Variants in LRP1B observed in about 807,000 individuals in gnomAD.
LRP1B encodes the protein low-density lipoprotein receptor-related protein 1B.
LRP1B carries 217 observed loss-of-function variants against 556.6 expected under a neutral mutation model. The ratio of observed to expected loss-of-function variants is 0.39; its 90% CI spans 0.35 to 0.44. LRP1B has a LOEUF of 0.44. Among genes scored for constraint, LRP1B ranks in the 20% least tolerant of loss-of-function variants. The pLI, the probability that LRP1B is intolerant of heterozygous loss-of-function variation, is 1.00. For synonymous variants in LRP1B, 2,047 were observed against 1,865.8 expected (o/e 1.10, Z -2.50); for missense variants, 5,053 against 5,620.8 (o/e 0.90, Z 3.23).
intron 71 of LRP1B, among the ~76,000 whole-genome samples, chr2:140,366,767 AAGG>A (rs1208846094): frequency 1.3e-5 from 2 of 151,718 alleles, no homozygotes; most frequent in African/African-American, 4.8e-5. Flanking sequence ...TGAGAAGAAG[AAGG>A]AGGTGAATGC....
At chr2:141,390,873 A>G (rs1364822251) in intron 3 of LRP1B, among the ~76,000 whole-genome samples, 5 of 152,238 alleles carry the variant, frequency 3.3e-5, no homozygotes, top group East Asian at 1.9e-4. Context: ...ACTAATTGCC[A>G]TTGAATGGAT....
At chr2:141,798,689 G>GAGT (rs985548481) in intron 2 of LRP1B, among the ~76,000 whole-genome samples, 1 of 105,258 alleles carries the variant, frequency 9.5e-6, no homozygotes, top group African/African-American at 3.9e-5. Flanking sequence ...CCTGGCAACA[G>GAGT]AGTAAGACTC....
intron 7 of LRP1B, among the ~76,000 whole-genome samples, chr2:141,098,326 T>C (rs1700371476): frequency 6.6e-6 from 1 of 152,246 alleles, no homozygotes; most frequent in Non-Finnish European, 1.5e-5. Flanking sequence ...TATTCAATTA[T>C]ACCCTGCAAT....
chr2:141,526,311 AAAAT>A (rs1484796235), intron 2 of LRP1B, among the ~76,000 whole-genome samples: 1 of 152,018 alleles, frequency 6.6e-6, no homozygotes, highest in Non-Finnish European at 1.5e-5. Flanking sequence ...TTGAAAGACA[AAAAT>A]AATTAGGCAA....
At chr2:141,023,478 G>T (rs1317818896) in intron 11 of LRP1B, among the ~76,000 whole-genome samples, 1 of 151,892 alleles carries the variant, frequency 6.6e-6, no homozygotes, top group Non-Finnish European at 1.5e-5. Context: ...TTCTTCAAAT[G>T]AATGTAATAC....
At chr2:142,114,732 T>C (rs899350751) in intron 1 of LRP1B, among the ~76,000 whole-genome samples, 3 of 152,024 alleles carry the variant, frequency 2.0e-5, no homozygotes, top group African/African-American at 7.2e-5. Context: ...AGTAGAGCAA[T>C]AGATACTGAA....
At chr2:141,475,631 A>G (rs1179519524) in intron 3 of LRP1B, among the ~76,000 whole-genome samples, 1 of 152,090 alleles carries the variant, frequency 6.6e-6, no homozygotes, top group Non-Finnish European at 1.5e-5. Context: ...TCCTGTACCC[A>G]TATAAACCCC....
intron 3 of LRP1B, among the ~76,000 whole-genome samples, chr2:141,461,167 G>C (rs1269591029): frequency 6.6e-6 from 1 of 152,130 alleles, no homozygotes; most frequent in East Asian, 1.9e-4. Flanking sequence ...GGGGAAATGG[G>C]AAAAGTGAAG....
intron 1 of LRP1B, among the ~76,000 whole-genome samples, chr2:142,065,724 C>T (rs2104901102): frequency 6.6e-6 from 1 of 151,480 alleles, no homozygotes. Context: ...AAACTGTTTA[C>T]ATTTGCCACA....
chr2:141,987,563 T>TC (rs3041437), intron 1 of LRP1B, among the ~76,000 whole-genome samples: 1 of 141,308 alleles, frequency 7.1e-6, no homozygotes, highest in Non-Finnish European at 1.6e-5. Context: ...TTTTTTTTTT[T>TC]CTTTCTTTTT....
intron 35 of LRP1B, among the ~76,000 whole-genome samples, chr2:140,757,203 G>T (rs1688769202): frequency 6.6e-6 from 1 of 152,158 alleles, no homozygotes; most frequent in Non-Finnish European, 1.5e-5. Flanking sequence ...CTACTGATGT[G>T]AATGCAAATA....
chr2:141,376,566 C>G (rs1689445593), intron 3 of LRP1B, among the ~76,000 whole-genome samples: 1 of 152,168 alleles, frequency 6.6e-6, no homozygotes, highest in Non-Finnish European at 1.5e-5. Flanking sequence ...AGTAAGTCAT[C>G]TTGATCTGAT....
chr2:141,070,410 C>T (rs1393105969), intron 7 of LRP1B, among the ~76,000 whole-genome samples: 1 of 151,234 alleles, frequency 6.6e-6, no homozygotes, highest in Non-Finnish European at 1.5e-5. Flanking sequence ...CAGGAAAGAT[C>T]CAAAATTGAC....
chr2:140,561,807 T>A (rs958380741), intron 43 of LRP1B, among the ~76,000 whole-genome samples: 3 of 151,974 alleles, frequency 2.0e-5, no homozygotes, highest in Admixed American at 1.3e-4. Flanking sequence ...AAATAATATA[T>A]CAATATATTT....
chr2:141,185,042 T>C (rs1232637157), intron 7 of LRP1B, among the ~76,000 whole-genome samples: 1 of 152,036 alleles, frequency 6.6e-6, no homozygotes, highest in Non-Finnish European at 1.5e-5. Context: ...TTCGTAATGG[T>C]ATCACAAGTG....
At chr2:140,569,997 A>T (rs1440673447) in intron 43 of LRP1B, among the ~76,000 whole-genome samples, 1 of 151,836 alleles carries the variant, frequency 6.6e-6, no homozygotes, top group Non-Finnish European at 1.5e-5. Context: ...CGAAAATAGA[A>T]ACAGAACATG....
At chr2:141,001,218 T>C (rs903935358) in intron 15 of LRP1B, among the ~76,000 whole-genome samples, 1 of 152,060 alleles carries the variant, frequency 6.6e-6, no homozygotes, top group Non-Finnish European at 1.5e-5. Flanking sequence ...CATAAGGGAA[T>C]TTTCACTTTT....
At chr2:140,883,279 T>C (rs72988202) in intron 25 of LRP1B, among the ~76,000 whole-genome samples, 3,230 of 152,212 alleles carry the variant, frequency 0.021, 112 homozygotes, top group African/African-American at 0.073. Flanking sequence ...TCCAGAATCA[T>C]ATGCTTTGTC....
chr2:141,045,452 A>T (rs1698841795), intron 11 of LRP1B, among the ~76,000 whole-genome samples: 1 of 5,768 alleles, frequency 1.7e-4, no homozygotes, highest in Non-Finnish European at 9.3e-4. Context: ...TAATTAATTA[A>T]AAAAAAAAGA....
Sources: gnomAD v4.1 joint callset for allele counts (sites outside exome capture counted in the v4.1 genomes callset) on GRCh38, gnomAD v4.1.1 for gene constraint, MANE v1.5 for transcripts, NCBI Gene and HGNC (gene_info 2026-07-23, HGNC 2026-07-21) for gene names.